IL5RA: variants seen among roughly 807,000 people sequenced by gnomAD.
IL5RA encodes the protein interleukin-5 receptor subunit alpha.
Under a neutral mutation model 50.0 loss-of-function variants are expected in IL5RA, and 49 were observed. That is an observed-to-expected ratio of 0.98 (90% confidence interval 0.78 to 1.24). The LOEUF (loss-of-function observed/expected upper bound fraction) is 1.24, where lower values mean the gene tolerates loss of function less well. Among genes scored for constraint, IL5RA ranks in the 50% most tolerant of loss-of-function variants. IL5RA has a pLI of 0.00. For synonymous variants in IL5RA, 202 were observed against 174.0 expected (o/e 1.16, Z -1.26); for missense variants, 600 against 500.4 (o/e 1.20, Z -1.90).
intron 5 of IL5RA, among the ~76,000 whole-genome samples, chr3:3,100,154 G>A (rs918563003): frequency 7.0e-6 from 1 of 142,018 alleles, no homozygotes; most frequent in African/African-American, 2.7e-5. Context: ...CTTGCACCTG[G>A]GCCAGGAAGG....
At chr3:3,109,834 T>C (rs1260392262) in intron 1 of IL5RA, 111 bp downstream of exon 1, 3 of 152,118 alleles carry the variant, frequency 2.0e-5, no homozygotes, top group African/African-American at 4.8e-5. Flanking sequence ...ACCCTGGGTG[T>C]AGTGAAATTA....
chr3:3,073,737 A>T (rs572184219), intron 11 of IL5RA: 1 of 443,688 alleles, frequency 2.3e-6, no homozygotes, highest in African/African-American at 2.0e-5. Context: ...TTAACTGACA[A>T]CTCAACACAA....
rs1040195741 is a variant in IL5RA, at chr3:3,069,977, G to A, written c.*248C>T. 1.5e-4 allele frequency: 60 copies of A among 405,750 alleles called. No individual in the cohort carries two copies. The highest frequency in any genetic ancestry group is 1.8e-4 in the East Asian group (4 of 21,902). 25.1% of individuals were successfully genotyped at this position (405,750 alleles called of 1,614,324 possible). ...CAGGTGAGGAGGTGCTACCCTGTAC[G>A]GCATGGGGAGAAAAAACATGGCAAA... On this transcript the variant is annotated 3_prime_UTR_variant, in exon 12 of 12. Transcript: ENST00000446632.
chr3:3,085,972 T>C (rs74517922), intron 9 of IL5RA, among the ~76,000 whole-genome samples: 4,306 of 152,294 alleles, frequency 0.028, 75 homozygotes, highest in Middle Eastern at 0.078. Flanking sequence ...ATGAGTGATC[T>C]GAAAACGGTG....
intron 9 of IL5RA, among the ~76,000 whole-genome samples, chr3:3,078,477 C>T (rs2125956459): frequency 6.6e-6 from 1 of 152,280 alleles, no homozygotes; most frequent in Non-Finnish European, 1.5e-5. Flanking sequence ...TAAGCCATGA[C>T]CCTGCTTTGC....
chr3:3,109,867 T>C (rs889502076), intron 1 of IL5RA, 78 bp downstream of exon 1: 1 of 152,206 alleles, frequency 6.6e-6, no homozygotes, highest in Non-Finnish European at 1.5e-5. Flanking sequence ...GCACAGGGTA[T>C]TGTTACAGCC....
In IL5RA at chr3:3,066,423, C is replaced by T. The variant is rs1702139418; in HGVS notation, c.*3802G>A. The T allele has an allele frequency of 6.6e-6, 1 of 152,044 alleles. No homozygotes were observed. Among genetic ancestry groups the T allele is most frequent in the Non-Finnish European group, 1.5e-5 (1 of 68,006 alleles). The allele number at this position is 152,044 out of a possible 1,614,324, so 9.4% of individuals were successfully genotyped here. A position where few individuals can be genotyped will look rare whatever the true frequency, so the allele number is the denominator to read the frequency against. Reference sequence around the variant, plus strand: ...AGATAAGCATGATTGTCTTATAGTACAATACAAAATTCCAAAGGAAGGAAT... The same window carrying T: ...AGATAAGCATGATTGTCTTATAGTATAATACAAAATTCCAAAGGAAGGAAT... On this transcript the variant is annotated 3_prime_UTR_variant, in exon 12 of 12. Transcript: ENST00000446632.
chr3:3,073,083 A>G (rs1013401103), intron 11 of IL5RA, among the ~76,000 whole-genome samples: 1 of 152,208 alleles, frequency 6.6e-6, no homozygotes, highest in Non-Finnish European at 1.5e-5. Flanking sequence ...AGGAGAACAC[A>G]AAGATCCAAC....
chr3:3,095,511 A>G (rs1703318659), intron 7 of IL5RA, 67 bp from the exon 8 acceptor site: 1 of 1,266,848 alleles, frequency 7.9e-7, no homozygotes, highest in Non-Finnish European at 1.1e-6. Flanking sequence ...GATAATTCCA[A>G]TCCACCCACA....
Position 3,085,094 on chromosome 3 carries a change from CT to C in IL5RA, c.994+7129del, listed in dbSNP as rs528535473. The stretch of plus-strand genomic sequence containing the variant: ...ACAGGCGTGAGGCAGTCCGCCCCCC[CT>C]GGTGGGAACAAATGGTGGGGCTGCC... On this transcript the variant is annotated intron_variant, in intron 9 of 11. Transcript: ENST00000446632. 1.2e-3 allele frequency among the ~76,000 whole-genome samples: 181 copies of C among 152,364 alleles called. 1 individual carries two copies. Among genetic ancestry groups the C allele is most frequent in the Admixed American group, 3.4e-3 (52 of 15,300 alleles).
chr3:3,092,618 A>T lies in IL5RA; in HGVS notation c.856-256T>A, dbSNP rs1157995567. On this transcript the variant is annotated intron_variant, in intron 8 of 11. Coordinates refer to ENST00000446632, the MANE Select transcript of IL5RA (RefSeq NM_175726.4). The surrounding 1 kb of genome is among the most constrained non-coding windows in gnomAD (Gnocchi z 4.2). ...GGTCAAGATCCAGGTGTTCCTATCC[A>T]GGCCCAGCTGATGTTTCCAGACTGA... 1.3e-5 allele frequency among the ~76,000 whole-genome samples: 2 copies of T among 152,258 alleles called. No individual in the cohort carries two copies. The highest frequency in any genetic ancestry group is 3.8e-4 in the East Asian group (2 of 5,198).
intron 7 of IL5RA, 25 bp downstream of exon 7, chr3:3,097,845 C>T: frequency 6.3e-7 from 1 of 1,593,628 alleles, no homozygotes; most frequent in Non-Finnish European, 8.6e-7. Flanking sequence ...TCAGTTATTT[C>T]AGCTTTGGGT....
intron 9 of IL5RA, among the ~76,000 whole-genome samples, chr3:3,082,762 T>C (rs766245453): frequency 1.1e-4 from 17 of 152,200 alleles, no homozygotes; most frequent in Non-Finnish European, 2.2e-4. Flanking sequence ...ACTTCCCTTT[T>C]AGGGCTGCAG....
intron 11 of IL5RA, among the ~76,000 whole-genome samples, chr3:3,074,428 C>A (rs1046523749): frequency 6.6e-6 from 1 of 152,160 alleles, no homozygotes; most frequent in African/African-American, 2.4e-5. Context: ...ACACTTATAA[C>A]TCAGTACCTT....
chr3:3,099,400 G>A (rs182801614), intron 5 of IL5RA, among the ~76,000 whole-genome samples: 23 of 151,850 alleles, frequency 1.5e-4, no homozygotes, highest in East Asian at 3.9e-4. Flanking sequence ...AGGCTGAGGC[G>A]GGCAGATTGT....
Position 3,068,315 on chromosome 3 carries a change from T to G in IL5RA, c.*1910A>C, listed in dbSNP as rs1702186205. ...GGCCAGGAATGGTGGTTCATGCCTG[T>G]AATCCCAGTACTTTGGAAGGCTGAG... On this transcript the variant is annotated 3_prime_UTR_variant, in exon 12 of 12. Transcript: ENST00000446632. The G allele has an allele frequency of 6.6e-6, 1 of 152,152 alleles. No individual in the cohort carries two copies. The highest frequency in any genetic ancestry group is 2.1e-4 in the South Asian group (1 of 4,830). The allele number at this position is 152,152 out of a possible 1,614,324, so 9.4% of individuals were successfully genotyped here. A position where few individuals can be genotyped will look rare whatever the true frequency, so the allele number is the denominator to read the frequency against.
At chr3:3,070,623 C>A (rs1463987285) in intron 11 of IL5RA, among the ~76,000 whole-genome samples, 1 of 130,592 alleles carries the variant, frequency 7.7e-6, no homozygotes, top group Non-Finnish European at 1.5e-5. Flanking sequence ...ACTCTTGTCA[C>A]CCTGGCTGGA....
chr3:3,090,208 A>ATTT, intron 9 of IL5RA: 2 of 1,611,238 alleles, frequency 1.2e-6, no homozygotes, highest in Non-Finnish European at 1.7e-6. Context: ...TATTTCAGAT[A>ATTT]CGGTGTGGGG....
chr3:3,080,051 GAAAAC>G (rs1261961651), intron 9 of IL5RA, among the ~76,000 whole-genome samples: 1 of 150,840 alleles, frequency 6.6e-6, no homozygotes, highest in Non-Finnish European at 1.5e-5. Flanking sequence ...GAAAAGAAAA[GAAAAC>G]AAAAGTAGTG....
Sources: gnomAD v4.1 joint callset for allele counts (sites outside exome capture counted in the v4.1 genomes callset) on GRCh38, gnomAD v4.1.1 for gene constraint, Gnocchi (gnomAD v3.1) non-coding constraint, MANE v1.5 for transcripts, NCBI Gene and HGNC (gene_info 2026-07-23, HGNC 2026-07-21) for gene names.